Variants in PTPRN2 observed in about 807,000 individuals in gnomAD.
The protein encoded by PTPRN2 is protein tyrosine phosphatase receptor type N2, also known as receptor-type tyrosine-protein phosphatase N2.
In PTPRN2, 74 loss-of-function variants were observed where a neutral mutation model predicts 118.8. The observed-to-expected ratio is 0.62, with a 90% CI of 0.52 to 0.76. The LOEUF (loss-of-function observed/expected upper bound fraction) is 0.76. Ranked by LOEUF, PTPRN2 falls within the 30% of genes least tolerant of loss-of-function variation. The pLI is 0.00. For synonymous variants in PTPRN2, 641 were observed against 608.0 expected (o/e 1.05, Z -0.80); for missense variants, 1,481 against 1,394.4 (o/e 1.06, Z -0.99).
At chr7:158,373,260 G>C (rs7782612) in intron 2 of PTPRN2, among the ~76,000 whole-genome samples, 19 of 152,314 alleles carry the variant, frequency 1.2e-4, no homozygotes, top group Non-Finnish European at 2.2e-4. Context: ...CCTTGACCTC[G>C]GGGCCCGGCC....
chr7:158,489,858 G>A, intron 1 of PTPRN2, 73 bp from the exon 2 acceptor site: 1 of 1,383,782 alleles, frequency 7.2e-7, no homozygotes, highest in Non-Finnish European at 9.9e-7. Flanking sequence ...TGCCTTCCTG[G>A]CCCCCTGGTG....
In PTPRN2 at chr7:157,661,385, A is replaced by G. The variant is rs139522659; in HGVS notation, c.2002-4834T>C. Among the ~76,000 whole-genome samples, 203 of 152,260 alleles carry G rather than the reference A, an allele frequency of 1.3e-3. 2 individuals carry two copies. Among genetic ancestry groups the G allele is most frequent in the Non-Finnish European group, 2.6e-3 (174 of 68,032 alleles). ...CAGAGGGAGACGCTGCCGTGGGAGA[A>G]GGGTGTGCCCACAGCAAGGCAACGC... On this transcript the variant is annotated intron_variant, in intron 13 of 22. Transcript: ENST00000389418.
intron 2 of PTPRN2, among the ~76,000 whole-genome samples, chr7:158,370,002 G>A (rs774482221): frequency 9.2e-5 from 14 of 152,158 alleles, no homozygotes; most frequent in African/African-American, 1.7e-4. Context: ...GAACTGTCCC[G>A]GGAAGTCACC....
intron 2 of PTPRN2, among the ~76,000 whole-genome samples, chr7:158,463,255 C>G (rs552075727): frequency 3.9e-5 from 6 of 152,162 alleles, no homozygotes; most frequent in Non-Finnish European, 5.9e-5. Flanking sequence ...TCCCCTAACT[C>G]CATCTTTTCT....
chr7:158,578,845 CT>C (rs1225228573), intron 1 of PTPRN2, among the ~76,000 whole-genome samples: 1 of 152,096 alleles, frequency 6.6e-6, no homozygotes, highest in Non-Finnish European at 1.5e-5. Flanking sequence ...TCACTGCATC[CT>C]CCATCTTCCA....
intron 11 of PTPRN2, among the ~76,000 whole-genome samples, chr7:158,055,376 T>C (rs1309831188): frequency 6.6e-6 from 1 of 152,020 alleles, no homozygotes; most frequent in East Asian, 1.9e-4. Flanking sequence ...GTAGCGTCAG[T>C]GCCAAGGAAA....
chr7:158,465,046 G>A (rs1004299058), intron 2 of PTPRN2, among the ~76,000 whole-genome samples: 8 of 152,198 alleles, frequency 5.3e-5, no homozygotes, highest in African/African-American at 7.2e-5. Flanking sequence ...TGTTCTTATC[G>A]CAGACTGGAG....
intron 1 of PTPRN2, among the ~76,000 whole-genome samples, chr7:158,556,810 C>G (rs1347024136): frequency 2.7e-5 from 4 of 146,726 alleles, no homozygotes; most frequent in African/African-American, 1.0e-4. Context: ...GGCTCCCGCG[C>G]AGGTCGCTCC....
chr7:158,149,391 A>G (rs1585632375), intron 6 of PTPRN2, among the ~76,000 whole-genome samples: 1 of 152,188 alleles, frequency 6.6e-6, no homozygotes, highest in Middle Eastern at 3.2e-3. Flanking sequence ...TCTTTTCAGT[A>G]TAAACTCTTA....
chr7:158,380,982 A>T (rs10252936), intron 2 of PTPRN2, among the ~76,000 whole-genome samples: 14 of 152,022 alleles, frequency 9.2e-5, no homozygotes, highest in African/African-American at 2.9e-4. Flanking sequence ...CAACTGGAGC[A>T]GCTGGGACGC....
intron 14 of PTPRN2, among the ~76,000 whole-genome samples, chr7:157,653,087 TC>T (rs1461551629): frequency 6.6e-6 from 1 of 152,166 alleles, no homozygotes; most frequent in East Asian, 1.9e-4. Flanking sequence ...ACAGAAAGTC[TC>T]CGCTCTTGGT....
chr7:158,088,104 A>G (rs1250944245), intron 10 of PTPRN2, among the ~76,000 whole-genome samples: 1 of 61,416 alleles, frequency 1.6e-5, no homozygotes, highest in East Asian at 1.0e-3. Context: ...GAGTCTTCAC[A>G]CAAACCTTCT....
intron 13 of PTPRN2, among the ~76,000 whole-genome samples, chr7:157,657,414 T>C (rs993940873): frequency 9.8e-6 from 1 of 102,492 alleles, no homozygotes; most frequent in African/African-American, 4.0e-5. Context: ...ATCACACATA[T>C]ACACACACAT....
chr7:158,336,686 C>T (rs1300651505), intron 2 of PTPRN2, among the ~76,000 whole-genome samples: 6 of 124,012 alleles, frequency 4.8e-5, no homozygotes, highest in Admixed American at 8.1e-5. Context: ...TAAGAGCTGA[C>T]GCCCGCAGAC....
At chr7:158,366,508 A>G (rs1809538147) in intron 2 of PTPRN2, among the ~76,000 whole-genome samples, 1 of 152,192 alleles carries the variant, frequency 6.6e-6, no homozygotes, top group Non-Finnish European at 1.5e-5. Flanking sequence ...AGCTGCCAAT[A>G]CCCTGCACAC....
chr7:158,529,683 C>G lies in PTPRN2; in HGVS notation c.113-39898G>C, dbSNP rs867491061. Among the ~76,000 whole-genome samples the G allele has an allele frequency of 1.3e-5, 2 of 152,152 alleles. No homozygotes were observed. The highest frequency in any genetic ancestry group is 2.1e-4 in the South Asian group (1 of 4,832). ...TCCCTCTGCGGACACAGCACACACT[C>G]ACCACACCTGGGCTGTGTCCACCAG... is the stretch of plus-strand genomic sequence containing the variant. On this transcript the variant is annotated intron_variant, in intron 1 of 22. Coordinates refer to ENST00000389418, the MANE Select transcript of PTPRN2 (RefSeq NM_002847.5). The surrounding 1 kb of genome is among the most constrained non-coding windows in gnomAD (Gnocchi z 4.7).
rs193088678 is a variant in PTPRN2, at chr7:158,559,996, G to A, written c.112+27562C>T. On this transcript the variant is annotated intron_variant, in intron 1 of 22. Coordinates refer to ENST00000389418, the MANE Select transcript of PTPRN2 (RefSeq NM_002847.5). ...CCTTCCCAAACTGAAACTCTGTCCC[G>A]ATTAAACACTGACTCCCCTTTCCCC... is the stretch of plus-strand genomic sequence containing the variant. Among the ~76,000 whole-genome samples, 12 of 152,278 alleles carry A rather than the reference G, an allele frequency of 7.9e-5. No individual in the cohort carries two copies. In the East Asian group the frequency reaches 2.1e-3, roughly 27 times the overall value.
intron 3 of PTPRN2, among the ~76,000 whole-genome samples, chr7:158,278,586 T>C (rs1248652730): frequency 6.6e-6 from 1 of 152,204 alleles, no homozygotes; most frequent in East Asian, 1.9e-4. Flanking sequence ...AACTTCCTGA[T>C]GTAGATGGAC....
At chr7:157,995,331 C>T (rs1270875213) in intron 11 of PTPRN2, among the ~76,000 whole-genome samples, 1 of 148,650 alleles carries the variant, frequency 6.7e-6, no homozygotes, top group African/African-American at 2.6e-5. Flanking sequence ...ATCAATGCCA[C>T]GTCCCCAGCT....
Sources: allele counts gnomAD v4.1 joint callset (sites outside exome capture counted in the v4.1 genomes callset), GRCh38; gene constraint gnomAD v4.1.1; non-coding constraint Gnocchi (gnomAD v3.1); transcripts MANE v1.5; gene names NCBI Gene and HGNC (gene_info 2026-07-23, HGNC 2026-07-21).